Variants in STPG2 observed in about 807,000 individuals in gnomAD.
STPG2 encodes sperm-tail PG-rich repeat-containing protein 2.
In STPG2, 56 loss-of-function variants were observed where a neutral mutation model predicts 54.2. The observed-to-expected ratio is 1.03, with a 90% CI of 0.83 to 1.29. The LOEUF (loss-of-function observed/expected upper bound fraction) is 1.29, where lower values mean the gene tolerates loss of function less well. Ranked by LOEUF, STPG2 falls within the 50% of genes most tolerant of loss-of-function variation. STPG2 has a pLI of 0.00. For synonymous variants in STPG2, 200 were observed against 181.8 expected, an observed-to-expected ratio of 1.10 and a Z score of -0.81; for missense variants, 596 against 544.9, an observed-to-expected ratio of 1.09 and a Z score of -0.93.
intron 9 of STPG2, among the ~76,000 whole-genome samples, chr4:97,765,761 A>C (rs562632877): frequency 3.9e-4 from 60 of 152,314 alleles, no homozygotes; most frequent in African/African-American, 1.4e-3. Context: ...CAACCTGAAC[A>C]ATTAAAGACT....
At position 97,520,811 on chromosome 4, in the gene STPG2, C is replaced by T. The variant is rs113327925; in HGVS notation, c.462+191888G>A. Among the ~76,000 whole-genome samples the T allele has an allele frequency of 5.5e-3, 836 of 151,882 alleles. 7 individuals carry two copies. The highest frequency in any genetic ancestry group is 0.021 in the Middle Eastern group (6 of 292). ...AAAAAATGATCTTACATGGAGAATA[C>T]AAAGCTAATGATAATTCAGCTGTAT... On this transcript the variant is annotated intron_variant, in intron 4 of 4. Transcript: ENST00000522676.
chr4:97,647,451 T>G (rs1348852887), intron 10 of STPG2, among the ~76,000 whole-genome samples: 1 of 152,150 alleles, frequency 6.6e-6, no homozygotes, highest in Non-Finnish European at 1.5e-5. Flanking sequence ...TGGCCTGATA[T>G]TACTACTGCA....
At chr4:97,639,026 C>T (rs1348157166) in intron 10 of STPG2, among the ~76,000 whole-genome samples, 3 of 151,972 alleles carry the variant, frequency 2.0e-5, no homozygotes, top group Non-Finnish European at 2.9e-5. Flanking sequence ...AATCATGCTG[C>T]TATAAAGACA....
intron 7 of STPG2, among the ~76,000 whole-genome samples, chr4:97,947,298 C>T (rs1452614065): frequency 2.6e-5 from 4 of 151,306 alleles, no homozygotes; most frequent in Admixed American, 1.3e-4. Context: ...CCAGTCAACA[C>T]TTTTGAGAAA....
intron 9 of STPG2, among the ~76,000 whole-genome samples, chr4:97,828,476 C>A (rs1578599592): frequency 6.6e-6 from 1 of 152,118 alleles, no homozygotes; most frequent in African/African-American, 2.4e-5. Flanking sequence ...TGGGCAGACA[C>A]CAAGCTAGCT....
At chr4:97,767,240 T>C (rs565817633) in intron 9 of STPG2, among the ~76,000 whole-genome samples, 23 of 152,280 alleles carry the variant, frequency 1.5e-4, no homozygotes, top group Non-Finnish European at 2.8e-4. Context: ...AAATACCAAA[T>C]ACAATGTGTT....
At chr4:97,902,505 T>G (rs1233136823) in intron 8 of STPG2, among the ~76,000 whole-genome samples, 1 of 152,132 alleles carries the variant, frequency 6.6e-6, no homozygotes, top group Admixed American at 6.6e-5. Flanking sequence ...GATATTTTTC[T>G]AAAGAAGACA....
chr4:97,916,142 C>A (rs1368106125), intron 8 of STPG2, among the ~76,000 whole-genome samples: 2 of 152,056 alleles, frequency 1.3e-5, no homozygotes. Flanking sequence ...CTTTTACTCT[C>A]CAAAAGGTCC....
chr4:98,028,005 G>A (rs1364286346), intron 5 of STPG2, among the ~76,000 whole-genome samples: 1 of 152,058 alleles, frequency 6.6e-6, no homozygotes, highest in Non-Finnish European at 1.5e-5. Context: ...CTCCTCTACA[G>A]GTCTTTCCTA....
At chr4:98,135,460 G>A (rs1740110729) in intron 1 of STPG2, among the ~76,000 whole-genome samples, 1 of 151,764 alleles carries the variant, frequency 6.6e-6, no homozygotes, top group African/African-American at 2.4e-5. Flanking sequence ...ATATCTTGAA[G>A]CATTGAGAAA....
intron 5 of STPG2, among the ~76,000 whole-genome samples, chr4:98,046,339 G>A (rs577936838): frequency 6.6e-6 from 1 of 152,230 alleles, no homozygotes; most frequent in East Asian, 1.9e-4. Flanking sequence ...ATGAGGGCCA[G>A]TTTCTGGAGC....
At chr4:97,513,326 G>A (rs770627983) in intron 4 of STPG2, among the ~76,000 whole-genome samples, 1 of 151,822 alleles carries the variant, frequency 6.6e-6, no homozygotes, top group Non-Finnish European at 1.5e-5. Context: ...TGTCTTTTGG[G>A]GTTTTTATGG....
intron 5 of STPG2, among the ~76,000 whole-genome samples, chr4:98,010,959 A>G (rs1169968385): frequency 6.6e-6 from 1 of 152,044 alleles, no homozygotes; most frequent in Non-Finnish European, 1.5e-5. Flanking sequence ...ATAACTTTGT[A>G]ATTTTTTTAT....
chr4:98,014,687 A>G (rs1735874276), intron 5 of STPG2, among the ~76,000 whole-genome samples: 1 of 152,134 alleles, frequency 6.6e-6, no homozygotes, highest in Non-Finnish European at 1.5e-5. Context: ...AACTTTGACT[A>G]TATTCCTTAT....
intron 5 of STPG2, among the ~76,000 whole-genome samples, chr4:98,058,466 G>A (rs1035284606): frequency 3.9e-5 from 6 of 152,070 alleles, no homozygotes; most frequent in Admixed American, 1.3e-4. Context: ...TACAAAGAAG[G>A]ACATTACATA....
intron 4 of STPG2, among the ~76,000 whole-genome samples, chr4:97,444,175 T>C (rs1443877455): frequency 1.3e-5 from 2 of 152,100 alleles, no homozygotes; most frequent in Non-Finnish European, 2.9e-5. Flanking sequence ...TGAGACACAA[T>C]TTAATATCTG....
At chr4:98,042,811 AT>A (rs1203675398) in intron 5 of STPG2, among the ~76,000 whole-genome samples, 1 of 152,152 alleles carries the variant, frequency 6.6e-6, no homozygotes, top group African/African-American at 2.4e-5. Context: ...TATTAGGTCC[AT>A]TTGGTCTAAA....
intron 10 of STPG2, among the ~76,000 whole-genome samples, chr4:97,700,619 C>G (rs750250726): frequency 5.9e-5 from 9 of 152,226 alleles, no homozygotes; most frequent in African/African-American, 2.2e-4. Context: ...CTACTTCTTG[C>G]TCACTGGATC....
At position 97,449,469 on chromosome 4, in the gene STPG2, A is replaced by T. The variant is rs1434419189; in HGVS notation, c.463-261636T>A. 2.0e-5 allele frequency among the ~76,000 whole-genome samples: 3 copies of T among 152,198 alleles called. No individual in the cohort carries two copies. In the East Asian group the frequency reaches 5.8e-4, roughly 29 times the overall value. ...ACAAAACTTCAAAGGAACTTTTAAA[A>T]GTAAAACAAACTCTGATTTCCATTG... On this transcript the variant is annotated intron_variant, in intron 4 of 4. Transcript: ENST00000522676.
Sources: allele counts gnomAD v4.1 joint callset (sites outside exome capture counted in the v4.1 genomes callset), GRCh38; gene constraint gnomAD v4.1.1; transcripts MANE v1.5; gene names NCBI Gene and HGNC (gene_info 2026-07-23, HGNC 2026-07-21).